The following GRIK2 variants were observed in gnomAD, a reference collection of about 807,000 sequenced individuals.
GRIK2 encodes the protein glutamate receptor ionotropic, kainate 2.
In GRIK2, 32 loss-of-function variants were observed where a neutral mutation model predicts 100.3. The observed-to-expected ratio is 0.32, with a 90% CI of 0.24 to 0.43. The LOEUF (loss-of-function observed/expected upper bound fraction) is 0.43. GRIK2 is among the 20% of genes least tolerant of loss of function. The pLI, the probability that GRIK2 is intolerant of heterozygous loss-of-function variation, is 1.00. For missense variants in GRIK2, 843 were observed against 1,114.9 expected (o/e 0.76, Z 3.47); for synonymous variants, 417 against 389.4 (o/e 1.07, Z -0.83).
intron 2 of GRIK2, among the ~76,000 whole-genome samples, chr6:101,488,881 T>C (rs1370145726): frequency 6.8e-6 from 1 of 146,110 alleles, no homozygotes; most frequent in African/African-American, 2.6e-5. Context: ...AATAAAACTA[T>C]TGGAGTTTTC....
chr6:101,547,033 G>C (rs1776277451), intron 2 of GRIK2, among the ~76,000 whole-genome samples: 1 of 150,858 alleles, frequency 6.6e-6, no homozygotes, highest in Admixed American at 6.6e-5. Context: ...GGGTTTCACC[G>C]TTTTAGCCGG....
intron 14 of GRIK2, among the ~76,000 whole-genome samples, chr6:101,933,974 T>A (rs1159479048): frequency 2.6e-5 from 4 of 151,842 alleles, no homozygotes; most frequent in Non-Finnish European, 1.5e-5. Flanking sequence ...ATTTTTCTCT[T>A]TCTTTCTTGT....
At chr6:101,741,213 TCAC>T (rs1776007431) in intron 7 of GRIK2, among the ~76,000 whole-genome samples, 1 of 141,438 alleles carries the variant, frequency 7.1e-6, no homozygotes, top group Non-Finnish European at 1.5e-5. Flanking sequence ...TTTAAATAAT[TCAC>T]CAAATGATTC....
At chr6:101,753,319 C>T (rs1433432390) in intron 7 of GRIK2, among the ~76,000 whole-genome samples, 2 of 151,032 alleles carry the variant, frequency 1.3e-5, no homozygotes, top group Non-Finnish European at 2.9e-5. Flanking sequence ...AACACGATCA[C>T]CATGTCCAAC....
intron 2 of GRIK2, among the ~76,000 whole-genome samples, chr6:101,464,497 CTTT>C (rs71028069): frequency 0.018 from 1,136 of 62,016 alleles, 158 homozygotes; most frequent in Admixed American, 0.042. Flanking sequence ...CTTTTTCTTT[CTTT>C]TTTTTTTTTT....
chr6:101,611,932 T>C (rs1181420979), intron 2 of GRIK2, among the ~76,000 whole-genome samples: 2 of 151,880 alleles, frequency 1.3e-5, no homozygotes, highest in African/African-American at 2.4e-5. Context: ...TCATAGTTTA[T>C]ATGGACATAA....
At chr6:102,008,259 T>C (rs1364921858) in intron 14 of GRIK2, among the ~76,000 whole-genome samples, 1 of 151,974 alleles carries the variant, frequency 6.6e-6, no homozygotes, top group African/African-American at 2.4e-5. Flanking sequence ...GAAAGCATGC[T>C]TTTTAGAAAG....
At chr6:101,707,784 C>G (rs1292230079) in intron 7 of GRIK2, among the ~76,000 whole-genome samples, 3 of 151,138 alleles carry the variant, frequency 2.0e-5, no homozygotes, top group Non-Finnish European at 4.4e-5. Context: ...TTGATTCTCA[C>G]CAAAAAAATC....
At chr6:101,411,083 T>A (rs1775866001) in intron 2 of GRIK2, among the ~76,000 whole-genome samples, 1 of 152,070 alleles carries the variant, frequency 6.6e-6, no homozygotes, top group African/African-American at 2.4e-5. Context: ...AAGAAAGGTG[T>A]CCCATTCTTT....
At chr6:101,799,305 G>GTGTGTGTGTGTA (rs10601554) in intron 7 of GRIK2, among the ~76,000 whole-genome samples, 18 of 149,530 alleles carry the variant, frequency 1.2e-4, no homozygotes, top group African/African-American at 4.4e-4. Flanking sequence ...GTGTGTGTGT[G>GTGTGTGTGTGTA]TATAAGTGAG....
chr6:101,824,825 G>T (rs1263350350), intron 10 of GRIK2, among the ~76,000 whole-genome samples: 1 of 152,090 alleles, frequency 6.6e-6, no homozygotes, highest in Non-Finnish European at 1.5e-5. Context: ...AGCTTGTAAA[G>T]CTTTTGTGTC....
chr6:101,934,254 C>T (rs1790480634), intron 14 of GRIK2, among the ~76,000 whole-genome samples: 1 of 151,842 alleles, frequency 6.6e-6, no homozygotes, highest in South Asian at 2.1e-4. Flanking sequence ...CATCGTTACT[C>T]AAAAGAGCTA....
At chr6:101,492,631 G>A (rs964052139) in intron 2 of GRIK2, among the ~76,000 whole-genome samples, 22 of 151,964 alleles carry the variant, frequency 1.4e-4, no homozygotes, top group Middle Eastern at 6.8e-3. Context: ...GGATAAACTT[G>A]TACTTTTCCT....
chr6:101,785,972 T>C (rs908494962), intron 7 of GRIK2, among the ~76,000 whole-genome samples: 1 of 152,148 alleles, frequency 6.6e-6, no homozygotes, highest in Non-Finnish European at 1.5e-5. Context: ...TTCATCTGCC[T>C]GTGTCCTCTT....
chr6:101,961,700 AGGG>A (rs1405218187), intron 14 of GRIK2, among the ~76,000 whole-genome samples: 1 of 152,044 alleles, frequency 6.6e-6, no homozygotes, highest in Admixed American at 6.6e-5. Context: ...TGTTGTTCCA[AGGG>A]CACTTCGGCA....
At chr6:101,800,790 A>T (rs947414414) in intron 8 of GRIK2, among the ~76,000 whole-genome samples, 5 of 152,100 alleles carry the variant, frequency 3.3e-5, no homozygotes, top group Admixed American at 2.0e-4. Context: ...GACACAGTCC[A>T]CAGGTCTGGC....
At chr6:101,753,700 A>G (rs527945662) in intron 7 of GRIK2, among the ~76,000 whole-genome samples, 1 of 152,170 alleles carries the variant, frequency 6.6e-6, no homozygotes, top group Admixed American at 6.5e-5. Flanking sequence ...TATTAGTGAA[A>G]ATGTGGGTCT....
rs895179466 is a variant in GRIK2 at position 101,465,213 on chromosome 6, A to G, written c.115+65821A>G. On this transcript the variant is annotated intron_variant, in intron 2 of 16. Coordinates refer to ENST00000369134, the MANE Select transcript of GRIK2 (RefSeq NM_021956.5). ...TGAAGTCTGAGCTTTTAGTCTAACC[A>G]TCACCCAAATAATATACATTGTACC... is the stretch of plus-strand genomic sequence containing the variant. Among the ~76,000 whole-genome samples, 6 of 152,046 alleles carry G rather than the reference A, an allele frequency of 3.9e-5. No homozygotes were observed. The South Asian group carries it at 1.2e-3, about 32-fold the overall frequency.
chr6:101,869,084 A>G (rs1230124539), intron 11 of GRIK2, among the ~76,000 whole-genome samples: 1 of 151,864 alleles, frequency 6.6e-6, no homozygotes, highest in African/African-American at 2.4e-5. Context: ...TTTTTCAAAT[A>G]CACTATTTTT....
Sources: allele counts gnomAD v4.1 joint callset (sites outside exome capture counted in the v4.1 genomes callset), GRCh38; gene constraint gnomAD v4.1.1; transcripts MANE v1.5; gene names NCBI Gene and HGNC (gene_info 2026-07-23, HGNC 2026-07-21).